The following ATP8B4 variants were observed in gnomAD, a reference collection of about 807,000 sequenced individuals.
The protein encoded by ATP8B4 is probable phospholipid-transporting ATPase IM.
ATP8B4 carries 133 observed loss-of-function variants against 145.6 expected under a neutral mutation model. The observed-to-expected ratio is 0.91, with a 90% confidence interval of 0.79 to 1.05. The LOEUF is 1.05. Ranked by LOEUF, ATP8B4 falls within the 50% of genes least tolerant of loss-of-function variation. The pLI is 0.00. For synonymous variants in ATP8B4, 507 were observed against 492.9 expected, an observed-to-expected ratio of 1.03 and a Z score of -0.38; for missense variants, 1,458 against 1,425.2, an observed-to-expected ratio of 1.02 and a Z score of -0.37.
At chr15:50,101,446 A>G (rs1289671857) in intron 2 of ATP8B4, among the ~76,000 whole-genome samples, 1 of 152,126 alleles carries the variant, frequency 6.6e-6, no homozygotes. Context: ...AGCTATTCTC[A>G]TAACAGACAA....
intron 11 of ATP8B4, 148 bp from the exon 12 acceptor site, chr15:49,979,961 G>A (rs558799972): frequency 5.7e-5 from 30 of 524,562 alleles, no homozygotes; most frequent in Admixed American, 2.7e-4. Flanking sequence ...TATGAATTAC[G>A]TCAGGAACTC....
At chr15:49,934,567 T>G (rs528253437) in intron 14 of ATP8B4, among the ~76,000 whole-genome samples, 2 of 152,238 alleles carry the variant, frequency 1.3e-5, no homozygotes, top group South Asian at 2.1e-4. Flanking sequence ...CCTGGAATGT[T>G]ATGTATTTAA....
chr15:49,877,355 T>C (rs1488626459), intron 24 of ATP8B4, among the ~76,000 whole-genome samples: 2 of 151,912 alleles, frequency 1.3e-5, no homozygotes, highest in African/African-American at 4.8e-5. Context: ...CCAAAAAGGA[T>C]GGCAAGAATC....
In ATP8B4 at chr15:49,881,247, T is replaced by C. The variant is rs551473855; in HGVS notation, c.2698-1788A>G. ...TGGAGTTGAGACATACTCACCATTA[T>C]ATAGTATTTCTACTATACAGACCCA... is the stretch of plus-strand genomic sequence containing the variant. On this transcript the variant is annotated intron_variant, in intron 23 of 27. Transcript: ENST00000284509. Among the ~76,000 whole-genome samples, 29 of 152,346 alleles carry C rather than the reference T, an allele frequency of 1.9e-4. 1 individual carries two copies. In the South Asian group the frequency reaches 5.8e-3, roughly 30 times the overall value.
intron 1 of ATP8B4, among the ~76,000 whole-genome samples, chr15:50,160,015 C>CTTTTTTTTTTTTTTTT (rs35773416): frequency 5.0e-5 from 1 of 20,080 alleles, no homozygotes; most frequent in Admixed American, 7.6e-4. Flanking sequence ...CAGGTCCTGG[C>CTTTTTTTTTTTTTTTT]TTTTTTTTTT....
At chr15:50,062,790 A>G (rs1475634408) in intron 3 of ATP8B4, among the ~76,000 whole-genome samples, 1 of 152,188 alleles carries the variant, frequency 6.6e-6, no homozygotes, top group African/African-American at 2.4e-5. Flanking sequence ...AAAAAATCAA[A>G]TATTCCTTTA....
intron 1 of ATP8B4, among the ~76,000 whole-genome samples, chr15:50,169,214 A>G (rs2044636284): frequency 6.6e-6 from 1 of 152,206 alleles, no homozygotes; most frequent in South Asian, 2.1e-4. Flanking sequence ...CTCCTGGCAA[A>G]ACGCCAACCA....
intron 1 of ATP8B4, among the ~76,000 whole-genome samples, chr15:50,174,551 CAAAAAAA>C (rs35979987): frequency 1.1e-4 from 9 of 80,410 alleles, no homozygotes; most frequent in Non-Finnish European, 1.9e-4. Flanking sequence ...ACAATCACTG[CAAAAAAA>C]AAAAAAAAAA....
chr15:49,884,691 A>ATTTT (rs2035960956), intron 23 of ATP8B4, among the ~76,000 whole-genome samples: 1 of 152,008 alleles, frequency 6.6e-6, no homozygotes, highest in Non-Finnish European at 1.5e-5. Context: ...AGCATACACA[A>ATTTT]TTTTATATGC....
chr15:50,168,693 G>A (rs1308325990), intron 1 of ATP8B4, among the ~76,000 whole-genome samples: 2 of 152,200 alleles, frequency 1.3e-5, no homozygotes, highest in African/African-American at 4.8e-5. Context: ...CAGAACTCAA[G>A]AGGAGGGCAC....
chr15:50,061,370 G>T (rs958026595), intron 3 of ATP8B4, among the ~76,000 whole-genome samples: 7 of 152,122 alleles, frequency 4.6e-5, no homozygotes, highest in Admixed American at 1.3e-4. Context: ...AGGGATCAAA[G>T]ATATTCTTAT....
At chr15:50,074,013 A>G in intron 3 of ATP8B4, 114 bp downstream of exon 3, 2 of 750,480 alleles carry the variant, frequency 2.7e-6, no homozygotes, top group Non-Finnish European at 4.4e-6. Flanking sequence ...TGCTGTCAAA[A>G]TGGGCCAATG....
At chr15:49,972,460 C>T (rs1042525336) in intron 13 of ATP8B4, 122 bp downstream of exon 13, 43 of 831,748 alleles carry the variant, frequency 5.2e-5, no homozygotes, top group East Asian at 2.7e-4. Context: ...TAGATGCTGA[C>T]GGTGCCCATA....
chr15:49,928,481 G>A (rs1487198490), intron 16 of ATP8B4, among the ~76,000 whole-genome samples: 2 of 152,088 alleles, frequency 1.3e-5, no homozygotes, highest in Non-Finnish European at 2.9e-5. Flanking sequence ...ATTGAGATCA[G>A]ATTGCAAATA....
At chr15:50,176,335 T>A (rs1200903947) in intron 1 of ATP8B4, among the ~76,000 whole-genome samples, 1 of 151,950 alleles carries the variant, frequency 6.6e-6, no homozygotes, top group African/African-American at 2.4e-5. Context: ...TGCAAAGGCA[T>A]AAGAATAATA....
At position 49,860,285 on chromosome 15, in the gene ATP8B4, T is replaced by C. The variant is rs2031390954; in HGVS notation, c.3488A>G (p.His1163Arg). 5.6e-6 allele frequency: 9 copies of C among 1,614,202 alleles called. No homozygotes were observed. Among genetic ancestry groups the C allele is most frequent in the African/African-American group, 2.7e-5 (2 of 75,068 alleles). The change falls in exon 28 of 28, where the codon CAT becomes CGT. Residue 1163 changes from histidine to arginine, a missense_variant. Physicochemically the swap from His to Arg is conservative, Grantham distance 29 (BLOSUM62 0). Coordinates refer to ENST00000284509, the MANE Select transcript of ATP8B4 (RefSeq NM_024837.4). ...TTCAATCCAGCTAGTGCTATTATAATGTGTCTTTTCCAGCCCTGATGTTGG... is the reference window on the plus strand; with the variant it reads ...TTCAATCCAGCTAGTGCTATTATAACGTGTCTTTTCCAGCCCTGATGTTGG... ...PPPTSGLEKT[H>R]YNSTSWIENL...
At chr15:50,158,099 T>C (rs566457281) in intron 1 of ATP8B4, among the ~76,000 whole-genome samples, 2 of 152,176 alleles carry the variant, frequency 1.3e-5, no homozygotes, top group Non-Finnish European at 2.9e-5. Flanking sequence ...TGATCTCGGC[T>C]CGCTACAACC....
chr15:49,996,467 T>A (rs1441520887), intron 9 of ATP8B4, among the ~76,000 whole-genome samples: 1 of 152,078 alleles, frequency 6.6e-6, no homozygotes, highest in African/African-American at 2.4e-5. Flanking sequence ...GAAACAAGCA[T>A]GAAATGAACG....
intron 23 of ATP8B4, among the ~76,000 whole-genome samples, chr15:49,886,151 C>T (rs1251528782): frequency 6.6e-6 from 1 of 152,196 alleles, no homozygotes; most frequent in Non-Finnish European, 1.5e-5. Flanking sequence ...TAATCTAACT[C>T]ACCCGTGGGG....
Sources: gnomAD v4.1 joint callset for allele counts (sites outside exome capture counted in the v4.1 genomes callset) on GRCh38, gnomAD v4.1.1 for gene constraint, MANE v1.5 for transcripts, NCBI Gene and HGNC (gene_info 2026-07-23, HGNC 2026-07-21) for gene names.